Variants in CEP112 observed in about 807,000 individuals in gnomAD.
CEP112 encodes centrosomal protein 112.
A neutral mutation model predicts 153.0 loss-of-function variants in CEP112; 127 were observed. The observed-to-expected ratio is 0.83, with a 90% CI of 0.72 to 0.96. CEP112 has a LOEUF of 0.96. Among genes scored for constraint, CEP112 ranks in the 40% least tolerant of loss-of-function variants. CEP112 has a pLI of 0.00. For synonymous variants in CEP112, 358 were observed against 374.4 expected (o/e 0.96, Z 0.51); for missense variants, 1,089 against 1,101.2 (o/e 0.99, Z 0.16).
At chr17:65,881,317 A>G (rs577763389) in intron 20 of CEP112, among the ~76,000 whole-genome samples, 11 of 152,206 alleles carry the variant, frequency 7.2e-5, no homozygotes, top group South Asian at 4.2e-4. Context: ...TTTATAGCTG[A>G]TGAATTTTTC....
rs113369666 is a variant in CEP112 at position 66,005,756 on chromosome 17, T to C, written c.1670A>G (p.Gln557Arg). 3 of 1,605,400 alleles carry C rather than the reference T, an allele frequency of 1.9e-6. No homozygotes were observed. Among genetic ancestry groups the C allele is most frequent in the East Asian group, 2.3e-5 (1 of 44,428 alleles). The part of the protein sequence containing the change: ...HIYEKKAHDL[Q>R]SELDKGKEDT... ...TTCTTTTCCTTTATCAAGTTCACTC[T>C]GCAAGTCATGAGCCTGCCATGACAA... Residue 557 changes from glutamine to arginine, a missense_variant, in exon 17 of 27, where the codon CAG (glutamine) becomes CGG (arginine). Transcript: ENST00000535342.
At chr17:66,005,277 T>G (rs1325956987) in intron 17 of CEP112, among the ~76,000 whole-genome samples, 1 of 152,162 alleles carries the variant, frequency 6.6e-6, no homozygotes, top group Admixed American at 6.5e-5. Context: ...TAAGACAAAC[T>G]CTTTCCTAAA....
At chr17:65,680,056 G>A (rs2047439426) in intron 24 of CEP112, among the ~76,000 whole-genome samples, 2 of 152,154 alleles carry the variant, frequency 1.3e-5, no homozygotes, top group African/African-American at 4.8e-5. Context: ...TTCTGCTTTG[G>A]CCTTCTTATA....
At chr17:65,660,460 CTCCTTCCT>C (rs143750694) in intron 24 of CEP112, among the ~76,000 whole-genome samples, 8,305 of 78,098 alleles carry the variant, frequency 0.11, 506 homozygotes, top group Non-Finnish European at 0.13. Context: ...TCTTCTCTCT[CTCCTTCCT>C]TCCTTCCTTC....
At chr17:65,995,909 G>A (rs996658954) in intron 17 of CEP112, among the ~76,000 whole-genome samples, 3 of 152,066 alleles carry the variant, frequency 2.0e-5, no homozygotes, top group Admixed American at 6.5e-5. Context: ...ATTCTCTCTT[G>A]CCTGCTGCCA....
intron 23 of CEP112, among the ~76,000 whole-genome samples, chr17:65,690,698 T>C (rs944057558): frequency 2.6e-5 from 4 of 152,016 alleles, no homozygotes; most frequent in African/African-American, 9.7e-5. Context: ...TTCCAAGCAA[T>C]AGCCACTGCA....
At chr17:65,773,265 C>T (rs777104067) in intron 21 of CEP112, among the ~76,000 whole-genome samples, 54 of 151,996 alleles carry the variant, frequency 3.6e-4, no homozygotes, top group Non-Finnish European at 7.1e-4. Context: ...AATATCTACC[C>T]CCTGCCTTCA....
intron 4 of CEP112, among the ~76,000 whole-genome samples, chr17:66,135,846 TATA>T (rs2070409166): frequency 6.6e-6 from 1 of 151,874 alleles, no homozygotes; most frequent in South Asian, 2.1e-4. Context: ...TATATATAGA[TATA>T]GATATAGATA....
chr17:66,023,802 G>T (rs1304291795), intron 16 of CEP112, among the ~76,000 whole-genome samples: 2 of 152,094 alleles, frequency 1.3e-5, no homozygotes, highest in African/African-American at 2.4e-5. Context: ...AGCCTTGAAT[G>T]CAAATGGAAT....
rs1238929887 is a variant in CEP112 at position 65,937,157 on chromosome 17, G to A, written c.1873-9468C>T. 6.4e-4 allele frequency among the ~76,000 whole-genome samples: 94 copies of A among 147,502 alleles called. 1 individual carries two copies. The highest frequency in any genetic ancestry group is 4.3e-4 in the Non-Finnish European group (29 of 67,140). Reference sequence around the variant, plus strand: ...GGCTGGAGTGCAGTGGCATGATCTCGGCTCGCTGCAACCTCTACCTCCCAG... The same window carrying A: ...GGCTGGAGTGCAGTGGCATGATCTCAGCTCGCTGCAACCTCTACCTCCCAG... On this transcript the variant is annotated intron_variant, in intron 18 of 26. Transcript: ENST00000535342.
In CEP112 at chr17:65,977,700, G is replaced by A. The variant is rs534915039; in HGVS notation, c.1737-16102C>T. 1.2e-4 allele frequency among the ~76,000 whole-genome samples: 19 copies of A among 152,290 alleles called. No individual in the cohort carries two copies. The South Asian group carries it at 3.9e-3, about 32-fold the overall frequency. On this transcript the variant is annotated intron_variant, in intron 17 of 26. Coordinates refer to ENST00000535342, the MANE Select transcript of CEP112 (RefSeq NM_001199165.4). ...TCATGCCTATAATCCCGACACTTTG[G>A]GAAGCCGAGGTGGGAGGATCCCTTG...
intron 21 of CEP112, among the ~76,000 whole-genome samples, chr17:65,776,235 C>A (rs1242365352): frequency 6.6e-6 from 1 of 150,936 alleles, no homozygotes; most frequent in Non-Finnish European, 1.5e-5. Context: ...GCTGCCCGCC[C>A]CCATCCCCTT....
At chr17:65,886,970 C>A (rs2059302435) in intron 20 of CEP112, among the ~76,000 whole-genome samples, 1 of 152,098 alleles carries the variant, frequency 6.6e-6, no homozygotes, top group Non-Finnish European at 1.5e-5. Flanking sequence ...GGGGGAGGGA[C>A]TTAGAGTATT....
intron 4 of CEP112, among the ~76,000 whole-genome samples, chr17:66,149,234 T>C (rs1391345498): frequency 6.6e-6 from 1 of 152,232 alleles, no homozygotes; most frequent in African/African-American, 2.4e-5. Context: ...GAATTCAGTT[T>C]ACAAGTATTT....
chr17:65,842,567 T>A (rs75257441), intron 21 of CEP112, among the ~76,000 whole-genome samples: 3,522 of 152,266 alleles, frequency 0.023, 74 homozygotes, highest in South Asian at 0.056. Context: ...CAGGTAAGGA[T>A]GATAGACCTT....
chr17:66,155,510 C>A lies in CEP112; in HGVS notation c.470+19534G>T, dbSNP rs1248552219. Among the ~76,000 whole-genome samples, 2 of 149,396 alleles carry A rather than the reference C, an allele frequency of 1.3e-5. 1 individual carries two copies. Among genetic ancestry groups the A allele is most frequent in the South Asian group, 4.2e-4 (2 of 4,712 alleles). On this transcript the variant is annotated intron_variant, in intron 4 of 26. Coordinates refer to ENST00000535342, the MANE Select transcript of CEP112 (RefSeq NM_001199165.4). ...TAGCTGTAGGAGGTTTTTTTTTTTT[C>A]ATACCCCAGTGGCACCTGGAATGCC...
chr17:66,126,624 T>A (rs1277241615), intron 6 of CEP112, among the ~76,000 whole-genome samples: 1 of 152,106 alleles, frequency 6.6e-6, no homozygotes, highest in Non-Finnish European at 1.5e-5. Flanking sequence ...GAGAAAAATA[T>A]CATTGCTAGT....
At chr17:66,011,441 A>T (rs1462627539) in intron 16 of CEP112, among the ~76,000 whole-genome samples, 1 of 152,086 alleles carries the variant, frequency 6.6e-6, no homozygotes, top group East Asian at 1.9e-4. Flanking sequence ...CTCATTAAAG[A>T]ATTTCTTGAT....
intron 4 of CEP112, among the ~76,000 whole-genome samples, chr17:66,166,696 G>A (rs533252402): frequency 4.6e-5 from 7 of 152,066 alleles, no homozygotes; most frequent in African/African-American, 7.2e-5. Flanking sequence ...TCAGGAGTTC[G>A]AGACCAGCCT....
Sources: allele counts gnomAD v4.1 joint callset (sites outside exome capture counted in the v4.1 genomes callset), GRCh38; gene constraint gnomAD v4.1.1; transcripts MANE v1.5; gene names NCBI Gene and HGNC (gene_info 2026-07-23, HGNC 2026-07-21).